Variants in HCLS1 observed in about 807,000 individuals in gnomAD.
HCLS1 encodes hematopoietic cell-specific Lyn substrate 1.
HCLS1 carries 44 observed loss-of-function variants against 68.6 expected under a neutral mutation model. The observed-to-expected ratio is 0.64, with a 90% CI of 0.50 to 0.82. HCLS1 has a LOEUF of 0.82. HCLS1 is among the 40% of genes least tolerant of loss of function. The probability of loss-of-function intolerance (pLI) is 0.00; values close to 1 mark genes in which losing one functional copy is unlikely to be tolerated. For synonymous variants in HCLS1, 217 were observed against 225.8 expected, an observed-to-expected ratio of 0.96 and a Z score of 0.35; for missense variants, 602 against 612.1, an observed-to-expected ratio of 0.98 and a Z score of 0.17.
intron 6 of HCLS1, among the ~76,000 whole-genome samples, chr3:121,641,807 C>A (rs10934555): frequency 0.22 from 34,118 of 151,916 alleles, 4,017 homozygotes; most frequent in East Asian, 0.31. Flanking sequence ...TATGGCCAGG[C>A]GCGGTGACTC....
At chr3:121,645,920 A>G (rs1443137176) in intron 4 of HCLS1, among the ~76,000 whole-genome samples, 1 of 142,580 alleles carries the variant, frequency 7.0e-6, no homozygotes, top group Non-Finnish European at 1.5e-5. Context: ...TAATTATAAT[A>G]TATTAAAATA....
Position 121,631,885 on chromosome 3 carries a change from A to G in HCLS1, c.1422T>C (p.Phe474=). ...GWWRGRCHGH[F]GLFPANYVKL... ...TGACATAATTTGCAGGGAAGAGTCC[A>G]AAGTGGCCATGGCAACGTCCCCGCC... The change falls in exon 14 of 14, where the codon TTT becomes TTC. Residue 474 remains phenylalanine (F), a synonymous_variant. Transcript: ENST00000314583. The G allele has an allele frequency of 6.2e-7, 1 of 1,614,174 alleles. No homozygotes were observed. The highest frequency in any genetic ancestry group is 8.5e-7 in the Non-Finnish European group (1 of 1,180,020).
At chr3:121,646,998 T>C (rs1937620464) in intron 4 of HCLS1, among the ~76,000 whole-genome samples, 1 of 148,316 alleles carries the variant, frequency 6.7e-6, no homozygotes, top group African/African-American at 2.5e-5. Context: ...TTTTTTTTTT[T>C]TGAGACAGAG....
rs531769897 is a variant in HCLS1, at chr3:121,634,362, T to C, written c.748A>G (p.Arg250Gly). The change falls in exon 10 of 14, where the codon AGG becomes GGG. Residue 250 changes from arginine (R) to glycine (G), a missense_variant. By Grantham distance (125) the Arg-to-Gly change is moderately radical. Coordinates refer to ENST00000314583, the MANE Select transcript of HCLS1 (RefSeq NM_005335.6). ...GCCTTCTCCTCTTCCTCTCGCTTCC[T>C]CTTCTCCTCAGCCATGGACTCAAAT... ...AKFESMAEEK[R>G]KREEEEKAQQ... The C allele has an allele frequency of 3.1e-6, 5 of 1,614,142 alleles. No individual in the cohort carries two copies. In the Admixed American group the frequency reaches 8.3e-5, roughly 27 times the overall value.
chr3:121,635,729 C>T lies in HCLS1; in HGVS notation c.691+6G>A. ...GGTGCATGGAGAGTGAATCACTAAG[C>T]CTCACCGGCTTCTATGGGCGTCGTC... On this transcript the variant is annotated splice_donor_region_variant and intron_variant, in intron 9 of 13. Coordinates refer to ENST00000314583, the MANE Select transcript of HCLS1 (RefSeq NM_005335.6). 6.2e-7 allele frequency: 1 copy of T among 1,611,578 alleles called. No individual in the cohort carries two copies. Among genetic ancestry groups the T allele is most frequent in the Non-Finnish European group, 8.5e-7 (1 of 1,177,696 alleles).
intron 11 of HCLS1, 36 bp downstream of exon 11, chr3:121,633,031 G>A (rs778200441): frequency 7.1e-7 from 1 of 1,405,530 alleles, no homozygotes; most frequent in South Asian, 1.2e-5. Flanking sequence ...TCGAGAAGAT[G>A]GGGTGGGGGC....
intron 4 of HCLS1, among the ~76,000 whole-genome samples, chr3:121,646,556 TAA>T (rs1324425534): frequency 2.7e-5 from 3 of 109,850 alleles, no homozygotes; most frequent in Non-Finnish European, 5.0e-5. Flanking sequence ...TTATATATAT[TAA>T]TATATATTTA....
At chr3:121,646,679 TA>T (rs1359230816) in intron 4 of HCLS1, among the ~76,000 whole-genome samples, 3 of 118,248 alleles carry the variant, frequency 2.5e-5, no homozygotes, top group African/African-American at 9.7e-5. Flanking sequence ...CACTTATATA[TA>T]ATATATAAAA....
intron 4 of HCLS1, among the ~76,000 whole-genome samples, chr3:121,646,636 T>C (rs1937611355): frequency 8.5e-6 from 1 of 117,034 alleles, no homozygotes; most frequent in Non-Finnish European, 1.6e-5. Context: ...ATTATAAGTA[T>C]ATATTATATT....
chr3:121,646,044 T>C (rs2049243729), intron 4 of HCLS1, among the ~76,000 whole-genome samples: 2 of 128,290 alleles, frequency 1.6e-5, no homozygotes, highest in South Asian at 2.2e-4. Context: ...ATATATAATG[T>C]ATTAATATAT....
intron 9 of HCLS1, 75 bp downstream of exon 9, chr3:121,635,660 G>A: frequency 8.7e-7 from 1 of 1,143,518 alleles, no homozygotes; most frequent in Non-Finnish European, 1.3e-6. Flanking sequence ...AAGGCATGGA[G>A]GATATAGTCT....
In HCLS1 at chr3:121,652,628, C is replaced by T. The variant is rs572175844; in HGVS notation, c.158+4651G>A. 2.0e-5 allele frequency among the ~76,000 whole-genome samples: 3 copies of T among 152,210 alleles called. No homozygotes were observed. The South Asian group carries it at 6.2e-4, about 32-fold the overall frequency. ...TGAGCCGAGATCGTACCACTGCACT[C>T]CAGCCTGGATGACAGAGCGAAACTC... is the stretch of plus-strand genomic sequence containing the variant. On this transcript the variant is annotated intron_variant, in intron 3 of 13. Coordinates refer to ENST00000314583, the MANE Select transcript of HCLS1 (RefSeq NM_005335.6).
At position 121,632,331 on chromosome 3, in the gene HCLS1, C is replaced by A. The variant is rs1360459685; in HGVS notation, c.1240+1G>T. 1.2e-6 allele frequency: 2 copies of A among 1,613,942 alleles called. No individual in the cohort carries two copies. The highest frequency in any genetic ancestry group is 1.7e-6 in the Non-Finnish European group (2 of 1,179,858). The stretch of plus-strand genomic sequence containing the variant: ...CTCCTGCTTCTCCTCCCATCACTCA[C>A]CAGCCAGAGCAGAAGAAAAAGAAGA... On this transcript the variant is annotated splice_donor_variant, in intron 12 of 13. Coordinates refer to ENST00000314583, the MANE Select transcript of HCLS1 (RefSeq NM_005335.6). LOFTEE classifies it high-confidence loss of function.
Position 121,634,293 on chromosome 3 carries a change from TTG to T in HCLS1, c.815_816del (p.Thr272LysfsTer5). 2 of 1,614,190 alleles carry T rather than the reference TTG, an allele frequency of 1.2e-6. No individual in the cohort carries two copies. Among genetic ancestry groups the T allele is most frequent in the Non-Finnish European group, 1.7e-6 (2 of 1,180,028 alleles). ...ARRQQERKAV[T>X]KRSPEAPQPV... ...GGCTGTGGAGCCTCAGGGCTCCTCT[TTG>T]TCACAGCCTTTCGCTCCTGTTGCCT... On this transcript the variant is annotated frameshift_variant, in exon 10 of 14. Coordinates refer to ENST00000314583, the MANE Select transcript of HCLS1 (RefSeq NM_005335.6). LOFTEE classifies it high-confidence loss of function.
intron 3 of HCLS1, among the ~76,000 whole-genome samples, chr3:121,655,792 A>G (rs987979932): frequency 1.3e-5 from 2 of 150,124 alleles, no homozygotes; most frequent in Admixed American, 1.3e-4. Context: ...TGGTTTAAGA[A>G]TAATATTCAT....
chr3:121,658,440 T>A, intron 1 of HCLS1, 93 bp from the exon 2 acceptor site: 1 of 916,434 alleles, frequency 1.1e-6, no homozygotes, highest in Non-Finnish European at 1.7e-6. Flanking sequence ...AGCAGCCCAA[T>A]ATTTCCTGCC....
chr3:121,657,988 C>A (rs1937909729), intron 2 of HCLS1: 1 of 403,838 alleles, frequency 2.5e-6, no homozygotes, highest in Non-Finnish European at 4.5e-6. Context: ...CAGGGGAGAC[C>A]CAGGTTCACC....
chr3:121,633,033 G>A (rs757442924), intron 11 of HCLS1, 34 bp downstream of exon 11: 3 of 1,415,012 alleles, frequency 2.1e-6, no homozygotes, highest in African/African-American at 1.4e-5. Flanking sequence ...GAGAAGATGG[G>A]GTGGGGGCAG....
intron 4 of HCLS1, among the ~76,000 whole-genome samples, chr3:121,646,367 C>CT (rs1937604487): frequency 1.9e-5 from 1 of 52,840 alleles, no homozygotes; most frequent in Non-Finnish European, 3.4e-5. Flanking sequence ...CATTATATTA[C>CT]ATATTATTAC....
Sources: gnomAD v4.1 joint callset for allele counts (sites outside exome capture counted in the v4.1 genomes callset) on GRCh38, gnomAD v4.1.1 for gene constraint, MANE v1.5 for transcripts, NCBI Gene and HGNC (gene_info 2026-07-23, HGNC 2026-07-21) for gene names.